Variants in FBXO22 observed in about 807,000 individuals in gnomAD.
FBXO22 encodes F-box only protein 22.
FBXO22 carries 13 observed loss-of-function variants against 37.2 expected under a neutral mutation model. The observed-to-expected ratio is 0.35, with a 90% CI of 0.23 to 0.56. The LOEUF is 0.56. FBXO22 is among the 20% of genes least tolerant of loss of function. FBXO22 has a pLI of 0.87. For synonymous variants in FBXO22, 189 were observed against 189.1 expected (o/e 1.00, Z 0.00); for missense variants, 446 against 509.9 (o/e 0.87, Z 1.21).
intron 5 of FBXO22, among the ~76,000 whole-genome samples, chr15:75,920,546 G>T (rs1272136812): frequency 2.0e-5 from 3 of 152,184 alleles, no homozygotes; most frequent in Admixed American, 1.3e-4. Flanking sequence ...ATTCAGGCTG[G>T]TATGGTGGCT....
intron 6 of FBXO22, among the ~76,000 whole-genome samples, chr15:75,932,440 A>G (rs563328820): frequency 2.1e-4 from 32 of 152,268 alleles, no homozygotes; most frequent in Admixed American, 1.8e-3. Context: ...ATCGTTATGG[A>G]TGTGCATTGC....
intron 5 of FBXO22, among the ~76,000 whole-genome samples, chr15:75,926,963 A>G (rs1900457379): frequency 1.3e-5 from 2 of 152,220 alleles, no homozygotes; most frequent in Admixed American, 6.5e-5. Context: ...TGAACAGATT[A>G]CAGACCTAGA....
chr15:75,929,227 TC>T, intron 5 of FBXO22, among the ~76,000 whole-genome samples: 1 of 152,034 alleles, frequency 6.6e-6, no homozygotes, highest in East Asian at 1.9e-4. Context: ...GAGGACACTG[TC>T]ATTGGATTTA....
At chr15:75,920,712 A>G (rs952990990) in intron 5 of FBXO22, among the ~76,000 whole-genome samples, 3 of 152,090 alleles carry the variant, frequency 2.0e-5, no homozygotes, top group Non-Finnish European at 2.9e-5. Flanking sequence ...AGTCCCAGCT[A>G]CTTAGGAGGC....
chr15:75,922,946 A>G (rs1439288132), intron 5 of FBXO22, among the ~76,000 whole-genome samples: 16 of 152,144 alleles, frequency 1.1e-4, no homozygotes, highest in Admixed American at 4.6e-4. Context: ...GGATTGGGAG[A>G]AGAAATTGGG....
Position 75,933,732 on chromosome 15 carries a change from T to C in FBXO22, c.*630T>C. 1 of 311,114 alleles carries C rather than the reference T, an allele frequency of 3.2e-6. No individual in the cohort carries two copies. The allele number at this position is 311,114 out of a possible 1,614,324, so 19.3% of individuals were successfully genotyped here. A position where few individuals can be genotyped will look rare whatever the true frequency, so the allele number is the denominator to read the frequency against. On this transcript the variant is annotated 3_prime_UTR_variant, in exon 7 of 7. Coordinates refer to ENST00000308275, the MANE Select transcript of FBXO22 (RefSeq NM_147188.3). Reference sequence around the variant, plus strand: ...TCTTCTTTCCTTAAAAATATTTTTTTTTCACCTAGGTCTAAATAGCTAACT... The same window carrying C: ...TCTTCTTTCCTTAAAAATATTTTTTCTTCACCTAGGTCTAAATAGCTAACT...
intron 2 of FBXO22, among the ~76,000 whole-genome samples, chr15:75,909,074 T>G (rs1383867820): frequency 6.6e-6 from 1 of 152,194 alleles, no homozygotes; most frequent in East Asian, 1.9e-4. Flanking sequence ...GTAAAAAATA[T>G]TTGAAAATAG....
chr15:75,914,588 G>T (rs964322524), intron 4 of FBXO22, among the ~76,000 whole-genome samples: 3 of 152,138 alleles, frequency 2.0e-5, no homozygotes, highest in Non-Finnish European at 4.4e-5. Context: ...GGAGACTTCT[G>T]TTTCTCTGCT....
intron 6 of FBXO22, chr15:75,930,938 C>G: frequency 3.5e-6 from 3 of 858,312 alleles, no homozygotes; most frequent in Non-Finnish European, 4.2e-6. Flanking sequence ...TGAGCTAGAT[C>G]TGGGAAAATA....
At chr15:75,905,276 C>G (rs1899902607) in intron 2 of FBXO22, among the ~76,000 whole-genome samples, 1 of 152,144 alleles carries the variant, frequency 6.6e-6, no homozygotes, top group Non-Finnish European at 1.5e-5. Context: ...CCTAGAAAGC[C>G]AAGAACCAAA....
At position 75,941,919 on chromosome 15, in the gene FBXO22, C is replaced by G. The variant is rs2030998854; in HGVS notation, c.*8817C>G. ...AATTTAAATCTTACGTACATTTTGC[C>G]ACAGTAAATTTTTAAACCACCAAAA... On this transcript the variant is annotated 3_prime_UTR_variant, in exon 7 of 7. Coordinates refer to ENST00000308275, the MANE Select transcript of FBXO22 (RefSeq NM_147188.3). 8.8e-6 allele frequency: 1 copy of G among 113,094 alleles called. No homozygotes were observed. The highest frequency in any genetic ancestry group is 3.5e-5 in the African/African-American group (1 of 28,756). 7.0% of individuals were successfully genotyped at this position (113,094 alleles called of 1,614,324 possible). A position where few individuals can be genotyped will look rare whatever the true frequency, so the allele number is the denominator to read the frequency against.
At chr15:75,930,074 C>T (rs554626056) in intron 6 of FBXO22, 25 bp downstream of exon 6, 78 of 1,613,570 alleles carry the variant, frequency 4.8e-5, no homozygotes, top group Admixed American at 4.8e-4. Context: ...CTTCTGATTT[C>T]GTCTGTGAAT....
intron 6 of FBXO22, 47 bp from the exon 7 acceptor site, chr15:75,932,638 A>G (rs758132728): frequency 3.3e-6 from 5 of 1,519,590 alleles, no homozygotes; most frequent in Non-Finnish European, 4.4e-6. Context: ...CTATACTTAA[A>G]AATTTTAATG....
chr15:75,909,451 A>G (rs1240643015), intron 2 of FBXO22, among the ~76,000 whole-genome samples: 6 of 152,178 alleles, frequency 3.9e-5, no homozygotes, highest in African/African-American at 1.4e-4. Context: ...GGAGGCTTGG[A>G]GTATTTGATT....
rs138635967 is a variant in FBXO22 at position 75,904,539 on chromosome 15, T to G, written c.189T>G (p.His63Gln). ...GTGTGCGCAGAGTATTGCGGACCCA[T>G]CGGAGCGTAACCTGGATCTCCGCAG... ...RECVRRVLRT[H>Q]RSVTWISAGL... is the part of the protein sequence containing the mutation. Residue 63 changes from histidine (H) to glutamine (Q), a missense_variant, in exon 2 of 7, where the codon CAT becomes CAG. Transcript: ENST00000308275. 7 of 1,613,588 alleles carry G rather than the reference T, an allele frequency of 4.3e-6. No homozygotes were observed. In the African/African-American group the frequency reaches 5.3e-5, roughly 12 times the overall value.
rs1205134510 is a variant in FBXO22, at chr15:75,941,556, G to A, written c.*8454G>A. 6.6e-6 allele frequency: 1 copy of A among 152,126 alleles called. No homozygotes were observed. The highest frequency in any genetic ancestry group is 1.5e-5 in the Non-Finnish European group (1 of 68,014). 9.4% of individuals were successfully genotyped at this position (152,126 alleles called of 1,614,324 possible). The stretch of plus-strand genomic sequence containing the variant: ...CAACAGATGAATGGATAGACAAAAT[G>A]TGTTATATCCATACAATGGAATATT... On this transcript the variant is annotated 3_prime_UTR_variant, in exon 7 of 7. Transcript: ENST00000308275.
chr15:75,937,333 C>T lies in FBXO22; in HGVS notation c.*4231C>T, dbSNP rs936679963. 1.5e-5 allele frequency: 2 copies of T among 131,022 alleles called. No homozygotes were observed. Among genetic ancestry groups the T allele is most frequent in the African/African-American group, 5.6e-5 (2 of 35,828 alleles). The allele number at this position is 131,022 out of a possible 1,614,324, so 8.1% of individuals were successfully genotyped here. A position where few individuals can be genotyped will look rare whatever the true frequency, so the allele number is the denominator to read the frequency against. ...GACCATCCTGGCTAACACAGTGAAA[C>T]CCCATCTCTACTGAAAGTACACAAA... is the stretch of plus-strand genomic sequence containing the variant. On this transcript the variant is annotated 3_prime_UTR_variant, in exon 7 of 7. Transcript: ENST00000308275.
At chr15:75,904,206 C>G (rs1410033900) in intron 1 of FBXO22, 103 bp downstream of exon 1, 5 of 1,398,048 alleles carry the variant, frequency 3.6e-6, no homozygotes, top group South Asian at 1.5e-5. Flanking sequence ...CCACCAGGGC[C>G]GTCCCCGGCT....
chr15:75,911,005 A>G (rs533971843), intron 2 of FBXO22, among the ~76,000 whole-genome samples: 2 of 152,324 alleles, frequency 1.3e-5, no homozygotes, highest in African/African-American at 2.4e-5. Context: ...TCTGAACACC[A>G]TTTATTAAAT....
Sources: allele counts gnomAD v4.1 joint callset (sites outside exome capture counted in the v4.1 genomes callset), GRCh38; gene constraint gnomAD v4.1.1; transcripts MANE v1.5; gene names NCBI Gene and HGNC (gene_info 2026-07-23, HGNC 2026-07-21).